Variants in PDE1C observed in about 807,000 individuals in gnomAD.
PDE1C encodes the protein dual specificity calcium/calmodulin-dependent 3',5'-cyclic nucleotide phosphodiesterase 1C.
PDE1C carries 62 observed loss-of-function variants against 93.1 expected under a neutral mutation model. The ratio of observed to expected loss-of-function variants is 0.67; its 90% confidence interval spans 0.54 to 0.82. The LOEUF is 0.82. Among genes scored for constraint, PDE1C ranks in the 40% least tolerant of loss-of-function variants. The probability of loss-of-function intolerance (pLI) is 0.00; values close to 1 mark genes in which losing one functional copy is unlikely to be tolerated. For synonymous variants in PDE1C, 325 were observed against 310.1 expected (o/e 1.05, Z -0.50); for missense variants, 742 against 884.6 (o/e 0.84, Z 2.04).
At chr7:31,690,267 T>C in the PDE1C span, among the ~76,000 whole-genome samples, 10 of 152,358 alleles carry the variant, frequency 6.6e-5, no homozygotes, top group Non-Finnish European at 7.3e-5. Context: ...TACATAAAAA[T>C]AGCTGCCACT....
intron 1 of PDE1C, among the ~76,000 whole-genome samples, chr7:32,404,875 T>A (rs532328234): frequency 2.3e-4 from 35 of 152,364 alleles, no homozygotes; most frequent in African/African-American, 7.2e-4. Context: ...TTGTCATGTT[T>A]GCCTTTCCTC....
At chr7:32,262,965 C>T (rs1810319055) in intron 1 of PDE1C, among the ~76,000 whole-genome samples, 1 of 152,186 alleles carries the variant, frequency 6.6e-6, no homozygotes, top group African/African-American at 2.4e-5. Flanking sequence ...AATTTAGATT[C>T]TTGGTTTTAT....
At chr7:32,118,964 T>C (rs758803679) in intron 3 of PDE1C, among the ~76,000 whole-genome samples, 5 of 151,964 alleles carry the variant, frequency 3.3e-5, no homozygotes, top group Non-Finnish European at 5.9e-5. Flanking sequence ...TCCTCCAGGA[T>C]GGGGGGTAGA....
chr7:31,883,870 A>G (rs1797558431), intron 2 of PDE1C, among the ~76,000 whole-genome samples: 1 of 152,200 alleles, frequency 6.6e-6, no homozygotes, highest in Admixed American at 6.5e-5. Context: ...CTTCTCCCTG[A>G]TGTAGTCACC....
chr7:32,297,034 G>A (rs958678805), intron 1 of PDE1C, among the ~76,000 whole-genome samples: 3 of 152,192 alleles, frequency 2.0e-5, no homozygotes, highest in African/African-American at 4.8e-5. Context: ...GGGATGGAGA[G>A]TGGAAGACGT....
intron 2 of PDE1C, among the ~76,000 whole-genome samples, chr7:32,049,778 T>C (rs930841564): frequency 6.6e-6 from 1 of 152,166 alleles, no homozygotes; most frequent in Non-Finnish European, 1.5e-5. Context: ...CTAGATTGAA[T>C]TGTGGGCTTC....
chr7:32,418,707 T>C (rs1785326201), intron 1 of PDE1C, among the ~76,000 whole-genome samples: 2 of 152,164 alleles, frequency 1.3e-5, no homozygotes, highest in South Asian at 2.1e-4. Context: ...TACTGAGTTA[T>C]TAGGGTGTCA....
rs1307702323 is a variant in PDE1C, at chr7:32,191,338, C to T, written c.136+18151G>A. On this transcript the variant is annotated intron_variant, in intron 2 of 18. Transcript: ENST00000396193. The stretch of plus-strand genomic sequence containing the variant: ...CAATTTACAAAGATTTCCATCACCA[C>T]AAAGATCCCTCATGTTATCCTGTTA... Among the ~76,000 whole-genome samples the T allele has an allele frequency of 2.4e-5, 3 of 124,570 alleles. No homozygotes were observed. The East Asian group carries it at 7.4e-4, about 31-fold the overall frequency. The allele number at this position is 124,570 out of a possible 152,430, so 81.7% of individuals were successfully genotyped here.
chr7:32,376,957 G>A (rs916419447), intron 1 of PDE1C, among the ~76,000 whole-genome samples: 4 of 152,096 alleles, frequency 2.6e-5, no homozygotes, highest in African/African-American at 9.7e-5. Flanking sequence ...ACAGTGCTGC[G>A]ATTACAGGTG....
rs999039352 is a variant in PDE1C at position 32,050,802 on chromosome 7, C to T, written c.128+752G>A. 4.6e-5 allele frequency among the ~76,000 whole-genome samples: 7 copies of T among 152,162 alleles called. No individual in the cohort carries two copies. The East Asian group carries it at 7.7e-4, about 17-fold the overall frequency. ...CAAGTCAGCAAACTACATCTGTCAA[C>T]GGGTCCTGTAATGGGGAATGAAAAT... is the stretch of plus-strand genomic sequence containing the variant. On this transcript the variant is annotated intron_variant, in intron 2 of 17. Transcript: ENST00000396191.
chr7:31,887,667 A>C (rs1316463307), intron 2 of PDE1C, among the ~76,000 whole-genome samples: 1 of 152,218 alleles, frequency 6.6e-6, no homozygotes, highest in African/African-American at 2.4e-5. Flanking sequence ...TCAAGTGTAC[A>C]TGTAATAGTA....
chr7:32,130,570 T>C (rs1417902596), intron 3 of PDE1C, among the ~76,000 whole-genome samples: 1 of 152,108 alleles, frequency 6.6e-6, no homozygotes, highest in African/African-American at 2.4e-5. Context: ...TTTAGCTCTC[T>C]TGTTCCTCAA....
chr7:31,832,335 T>C (rs756887635), intron 11 of PDE1C, among the ~76,000 whole-genome samples: 5 of 152,224 alleles, frequency 3.3e-5, no homozygotes, highest in Non-Finnish European at 7.3e-5. Flanking sequence ...CGAGGTGAAC[T>C]TATACTTCTT....
At chr7:31,794,772 T>C (rs554073329) in intron 16 of PDE1C, among the ~76,000 whole-genome samples, 1 of 151,984 alleles carries the variant, frequency 6.6e-6, no homozygotes, top group African/African-American at 2.4e-5. Context: ...ACAAAAGAGT[T>C]TAGTTTCTGA....
At chr7:32,107,086 G>A (rs907640287) in intron 3 of PDE1C, among the ~76,000 whole-genome samples, 2 of 151,174 alleles carry the variant, frequency 1.3e-5, no homozygotes, top group African/African-American at 2.4e-5. Context: ...ACATGGCCAA[G>A]GAAAGAATCA....
chr7:32,417,778 C>A (rs571500708), intron 1 of PDE1C, among the ~76,000 whole-genome samples: 2 of 151,152 alleles, frequency 1.3e-5, no homozygotes, highest in African/African-American at 4.9e-5. Context: ...GCGCTTTCTT[C>A]ATTTATCTCA....
At position 31,951,075 on chromosome 7, in the gene PDE1C, G is replaced by C. The variant is rs549606686; in HGVS notation, c.129-70215C>G. On this transcript the variant is annotated intron_variant, in intron 2 of 17. Transcript: ENST00000396191. The stretch of plus-strand genomic sequence containing the variant: ...GTGTCCTCAAATGGCCTTTTCTCTT[G>C]CGTGTACATATCCATTCCCAGTGTC... Among the ~76,000 whole-genome samples the C allele has an allele frequency of 4.6e-5, 7 of 152,198 alleles. No individual in the cohort carries two copies. The East Asian group carries it at 5.8e-4, about 13-fold the overall frequency.
At chr7:31,636,462 T>C in the PDE1C span, among the ~76,000 whole-genome samples, 1 of 152,068 alleles carries the variant, frequency 6.6e-6, no homozygotes, top group Non-Finnish European at 1.5e-5. Flanking sequence ...GTATGGAGAG[T>C]CCTTCAGTTT....
chr7:32,172,931 T>C (rs1200197537), intron 2 of PDE1C, among the ~76,000 whole-genome samples: 4 of 151,350 alleles, frequency 2.6e-5, no homozygotes, highest in Non-Finnish European at 5.9e-5. Flanking sequence ...AGTTCAACCA[T>C]TGTGGAAGAC....
Sources: allele counts gnomAD v4.1 joint callset (sites outside exome capture counted in the v4.1 genomes callset), GRCh38; gene constraint gnomAD v4.1.1; transcripts MANE v1.5; gene names NCBI Gene and HGNC (gene_info 2026-07-23, HGNC 2026-07-21).